Variants in NEGR1 observed in about 807,000 individuals in gnomAD.
NEGR1 encodes neuronal growth regulator 1.
In NEGR1, 10 loss-of-function variants were observed where a neutral mutation model predicts 40.9. The observed-to-expected ratio is 0.24, with a 90% CI of 0.15 to 0.42. The LOEUF (loss-of-function observed/expected upper bound fraction) is 0.42. Among genes scored for constraint, NEGR1 ranks in the 10% least tolerant of loss-of-function variants. NEGR1 has a pLI of 1.00. For synonymous variants in NEGR1, 185 were observed against 166.8 expected (o/e 1.11, Z -0.84); for missense variants, 352 against 438.9 (o/e 0.80, Z 1.77).
intron 1 of NEGR1, among the ~76,000 whole-genome samples, chr1:71,986,294 T>C (rs571399108): frequency 4.6e-5 from 7 of 152,324 alleles, no homozygotes; most frequent in South Asian, 2.1e-4. Context: ...CTACCAGATA[T>C]GTTCCACACA....
At chr1:71,473,995 TAA>T (rs1398191063) in intron 6 of NEGR1, among the ~76,000 whole-genome samples, 2 of 151,962 alleles carry the variant, frequency 1.3e-5, no homozygotes, top group Non-Finnish European at 2.9e-5. Context: ...GAATCATTAA[TAA>T]AGTTTGGCAC....
At chr1:71,882,171 G>A (rs1037611452) in intron 2 of NEGR1, among the ~76,000 whole-genome samples, 63 of 152,020 alleles carry the variant, frequency 4.1e-4, no homozygotes, top group African/African-American at 1.3e-3. Flanking sequence ...AAACAGACGC[G>A]AAACTTGCTT....
At chr1:71,773,207 A>G (rs928542365) in intron 3 of NEGR1, among the ~76,000 whole-genome samples, 11 of 152,302 alleles carry the variant, frequency 7.2e-5, no homozygotes, top group Admixed American at 1.3e-4. Flanking sequence ...CTGATTTTTA[A>G]AACTGGAATT....
chr1:72,262,814 G>T, intron 1 of NEGR1, among the ~76,000 whole-genome samples: 1 of 151,830 alleles, frequency 6.6e-6, no homozygotes, highest in East Asian at 1.9e-4. Context: ...AAAAAAATCT[G>T]AAGATCATGT....
At chr1:71,926,824 A>G (rs1318096730) in intron 2 of NEGR1, among the ~76,000 whole-genome samples, 2 of 152,270 alleles carry the variant, frequency 1.3e-5, no homozygotes, top group East Asian at 1.9e-4. Flanking sequence ...ACCTTACATT[A>G]GGCAATACAT....
intron 1 of NEGR1, among the ~76,000 whole-genome samples, chr1:72,219,449 A>C (rs1415088759): frequency 1.3e-5 from 2 of 152,090 alleles, no homozygotes; most frequent in Non-Finnish European, 2.9e-5. Context: ...TACAGTGCCA[A>C]GGCAAGCTTG....
chr1:71,707,464 T>G (rs1653938833), intron 3 of NEGR1, among the ~76,000 whole-genome samples: 1 of 152,138 alleles, frequency 6.6e-6, no homozygotes, highest in Non-Finnish European at 1.5e-5. Context: ...TCAGTTTGAG[T>G]GCCAGCTTAG....
At chr1:71,959,187 T>C (rs565294389) in intron 1 of NEGR1, among the ~76,000 whole-genome samples, 9 of 152,290 alleles carry the variant, frequency 5.9e-5, no homozygotes, top group Admixed American at 2.0e-4. Flanking sequence ...TATGACATGA[T>C]GATTCTCAAA....
At chr1:71,627,539 C>T (rs894618476) in intron 4 of NEGR1, among the ~76,000 whole-genome samples, 1 of 151,972 alleles carries the variant, frequency 6.6e-6, no homozygotes, top group African/African-American at 2.4e-5. Flanking sequence ...AGAACCACTA[C>T]ATTTTAGTGA....
intron 4 of NEGR1, among the ~76,000 whole-genome samples, chr1:71,624,125 T>C (rs1650693705): frequency 6.6e-6 from 1 of 151,972 alleles, no homozygotes; most frequent in Non-Finnish European, 1.5e-5. Flanking sequence ...GCTCTCATCC[T>C]GCAAAGCTTA....
At chr1:71,741,810 G>A (rs1025186826) in intron 3 of NEGR1, among the ~76,000 whole-genome samples, 2 of 152,170 alleles carry the variant, frequency 1.3e-5, no homozygotes, top group African/African-American at 4.8e-5. Flanking sequence ...TCCAGAAGGT[G>A]AAGGAAGATC....
chr1:71,428,677 T>G (rs190235430), intron 6 of NEGR1, among the ~76,000 whole-genome samples: 34 of 149,284 alleles, frequency 2.3e-4, no homozygotes, highest in African/African-American at 8.3e-4. Context: ...ATAAATAAAT[T>G]TATTTTATTA....
intron 5 of NEGR1, among the ~76,000 whole-genome samples, chr1:71,594,965 G>T (rs577387548): frequency 8.5e-5 from 13 of 152,202 alleles, no homozygotes; most frequent in Non-Finnish European, 1.9e-4. Context: ...ATTAACCAGG[G>T]CCTTCAACTG....
intron 4 of NEGR1, among the ~76,000 whole-genome samples, chr1:71,613,735 C>A (rs1333673443): frequency 6.6e-6 from 1 of 151,730 alleles, no homozygotes; most frequent in African/African-American, 2.4e-5. Flanking sequence ...TCCTATTCTG[C>A]CAAGTTTTTA....
chr1:72,045,528 A>G (rs1646993299), intron 1 of NEGR1, among the ~76,000 whole-genome samples: 1 of 151,716 alleles, frequency 6.6e-6, no homozygotes. Context: ...GAGATCTGAC[A>G]GTTTTAAAAA....
At chr1:72,275,012 C>G in intron 1 of NEGR1, 1 of 1,542,828 alleles carries the variant, frequency 6.5e-7, no homozygotes. Flanking sequence ...ACCAAGGAGC[C>G]TGAGAAGGAA....
chr1:71,979,372 T>A (rs1646335287), intron 1 of NEGR1, among the ~76,000 whole-genome samples: 1 of 151,786 alleles, frequency 6.6e-6, no homozygotes, highest in Non-Finnish European at 1.5e-5. Context: ...AAGTTAGAAA[T>A]AAAAATAAGA....
At chr1:71,859,028 T>A (rs1411036069) in intron 2 of NEGR1, among the ~76,000 whole-genome samples, 1 of 152,080 alleles carries the variant, frequency 6.6e-6, no homozygotes, top group Non-Finnish European at 1.5e-5. Context: ...AAATCAGCAG[T>A]GGAAGAAAAT....
chr1:71,913,636 G>C (rs1418797992), intron 2 of NEGR1, among the ~76,000 whole-genome samples: 1 of 151,992 alleles, frequency 6.6e-6, no homozygotes, highest in Non-Finnish European at 1.5e-5. Flanking sequence ...TTCATAAATT[G>C]ATTAGAATTT....
Sources: gnomAD v4.1 joint callset for allele counts (sites outside exome capture counted in the v4.1 genomes callset) on GRCh38, gnomAD v4.1.1 for gene constraint, MANE v1.5 for transcripts, NCBI Gene and HGNC (gene_info 2026-07-23, HGNC 2026-07-21) for gene names.